The following SELENOT variants were observed in gnomAD, a reference collection of about 807,000 sequenced individuals.
SELENOT encodes the protein selenoprotein T.
Under a neutral mutation model 24.3 loss-of-function variants are expected in SELENOT, and 9 were observed. The observed-to-expected ratio is 0.37, with a 90% CI of 0.22 to 0.65. The LOEUF (loss-of-function observed/expected upper bound fraction) is 0.65, where lower values mean the gene tolerates loss of function less well. SELENOT is among the 30% of genes least tolerant of loss of function. The probability of loss-of-function intolerance (pLI) is 0.60; values close to 1 mark genes in which losing one functional copy is unlikely to be tolerated. For synonymous variants in SELENOT, 81 were observed against 86.0 expected, an observed-to-expected ratio of 0.94 and a Z score of 0.32; for missense variants, 166 against 247.6, an observed-to-expected ratio of 0.67 and a Z score of 2.21.
At chr3:150,625,107 A>G in intron 4 of SELENOT, among the ~76,000 whole-genome samples, 1 of 151,456 alleles carries the variant, frequency 6.6e-6, no homozygotes, top group East Asian at 1.9e-4. Context: ...TAATCTCTTT[A>G]TCTCTGCTTG....
intron 1 of SELENOT, among the ~76,000 whole-genome samples, chr3:150,610,540 G>A (rs1726064028): frequency 6.6e-6 from 1 of 152,180 alleles, no homozygotes; most frequent in East Asian, 1.9e-4. Context: ...TAAGAGAAGT[G>A]TGATAGAAAG....
intron 1 of SELENOT, among the ~76,000 whole-genome samples, chr3:150,620,995 CT>C (rs1368279721): frequency 6.6e-6 from 1 of 152,038 alleles, no homozygotes; most frequent in Non-Finnish European, 1.5e-5. Flanking sequence ...AATATTACAA[CT>C]TTTCTGTAAA....
At chr3:150,607,102 A>G (rs1289096722) in intron 1 of SELENOT, among the ~76,000 whole-genome samples, 1 of 152,248 alleles carries the variant, frequency 6.6e-6, no homozygotes, top group African/African-American at 2.4e-5. Context: ...TGACAACTGA[A>G]TTGCTGAGAA....
chr3:150,620,157 A>T (rs1559897835), intron 1 of SELENOT, among the ~76,000 whole-genome samples: 1 of 152,232 alleles, frequency 6.6e-6, no homozygotes, highest in Non-Finnish European at 1.5e-5. Context: ...TATAGGGGGA[A>T]TCTGACTGTT....
Position 150,626,996 on chromosome 3 carries a change from A to G in SELENOT, c.464-14A>G. The G allele has an allele frequency of 6.2e-7, 1 of 1,604,856 alleles. No individual in the cohort carries two copies. Among genetic ancestry groups the G allele is most frequent in the Non-Finnish European group, 8.5e-7 (1 of 1,177,258 alleles). ...CTTTAATTTTTTGGGGGGCGGTGCC[A>G]TTTATTTTTATAGATGTACCTGTGT... is the stretch of plus-strand genomic sequence containing the variant. On this transcript the variant is annotated splice_polypyrimidine_tract_variant and intron_variant, in intron 4 of 5. Transcript: ENST00000471696.
intron 1 of SELENOT, among the ~76,000 whole-genome samples, chr3:150,615,972 AAACAG>A (rs1726202896): frequency 6.6e-6 from 1 of 151,974 alleles, no homozygotes; most frequent in African/African-American, 2.4e-5. Context: ...ACAGTAACCA[AAACAG>A]CATGGTACTG....
chr3:150,613,665 CTTTTTTTT>C (rs531822237), intron 1 of SELENOT, among the ~76,000 whole-genome samples: 1 of 78,890 alleles, frequency 1.3e-5, no homozygotes. Flanking sequence ...AAGATGGGAA[CTTTTTTTT>C]TTTTTTTTTT....
rs563812151 is a variant in SELENOT at position 150,627,764 on chromosome 3, G to A, written c.*135G>A. 2.6e-5 allele frequency: 4 copies of A among 152,734 alleles called. No homozygotes were observed. Among genetic ancestry groups the A allele is most frequent in the South Asian group, 4.1e-4 (2 of 4,830 alleles). 9.5% of individuals were successfully genotyped at this position (152,734 alleles called of 1,614,324 possible). ...CAGATGCTTTCTTGGCAGGCTCGTT[G>A]TACCTCTTGGAAAACCTCAATGCAA... On this transcript the variant is annotated 3_prime_UTR_variant, in exon 6 of 6. Transcript: ENST00000471696.
intron 4 of SELENOT, 54 bp from the exon 5 acceptor site, chr3:150,626,956 A>G: frequency 1.3e-6 from 2 of 1,560,198 alleles, no homozygotes; most frequent in African/African-American, 1.4e-5. Flanking sequence ...GGATGAATGC[A>G]TATTATAAAA....
At chr3:150,625,151 C>T (rs1305320965) in intron 4 of SELENOT, among the ~76,000 whole-genome samples, 1 of 151,568 alleles carries the variant, frequency 6.6e-6, no homozygotes, top group Non-Finnish European at 1.5e-5. Context: ...GAGGAGTTGG[C>T]CCTATTCTTT....
At chr3:150,603,725 G>A (rs1354308489) in intron 1 of SELENOT, 1 of 421,392 alleles carries the variant, frequency 2.4e-6, no homozygotes, top group African/African-American at 2.1e-5. Flanking sequence ...CTAGAACAGT[G>A]GGAATGGGGA....
Position 150,611,219 on chromosome 3 carries a change from A to G in SELENOT, c.137+7720A>G, listed in dbSNP as rs1036485461. ...CATTTCTACATGTGAAAAAGCGGTA[A>G]ACAGTGTTAACATCCAAGTTTTTAG... On this transcript the variant is annotated intron_variant, in intron 1 of 5. Coordinates refer to ENST00000471696, the MANE Select transcript of SELENOT (RefSeq NM_016275.5). The G allele has an allele frequency of 1.6e-5, 15 of 939,646 alleles. No individual in the cohort carries two copies. The African/African-American group carries it at 2.2e-4, about 14-fold the overall frequency. 58.2% of individuals were successfully genotyped at this position (939,646 alleles called of 1,614,324 possible). A position where few individuals can be genotyped will look rare whatever the true frequency, so the allele number is the denominator to read the frequency against.
At chr3:150,625,666 A>G (rs1236772147) in intron 4 of SELENOT, among the ~76,000 whole-genome samples, 1 of 152,182 alleles carries the variant, frequency 6.6e-6, no homozygotes, top group Non-Finnish European at 1.5e-5. Flanking sequence ...TTTATGACAC[A>G]TGGAAACTAT....
intron 1 of SELENOT, among the ~76,000 whole-genome samples, chr3:150,621,014 T>C (rs1435083810): frequency 4.6e-5 from 7 of 152,164 alleles, no homozygotes; most frequent in Non-Finnish European, 1.0e-4. Flanking sequence ...AAATTTGAAA[T>C]TATATTAAAT....
At chr3:150,615,210 G>A (rs1726184819) in intron 1 of SELENOT, among the ~76,000 whole-genome samples, 1 of 151,472 alleles carries the variant, frequency 6.6e-6, no homozygotes, top group South Asian at 2.1e-4. Context: ...ATTTTTTATG[G>A]CTGCATAGTA....
chr3:150,611,754 G>GC, intron 1 of SELENOT: 1 of 1,399,954 alleles, frequency 7.1e-7, no homozygotes, highest in Non-Finnish European at 9.9e-7. Context: ...GCCCCCAGGG[G>GC]CCCAGCCGCT....
At chr3:150,624,122 G>C (rs954359210) in intron 3 of SELENOT, among the ~76,000 whole-genome samples, 5 of 152,082 alleles carry the variant, frequency 3.3e-5, no homozygotes, top group African/African-American at 1.2e-4. Flanking sequence ...TTGTTCCCAT[G>C]AAAATAGACT....
rs1319201045 is a variant in SELENOT at position 150,623,216 on chromosome 3, G to T, written c.375+47G>T. 3 of 1,485,914 alleles carry T rather than the reference G, an allele frequency of 2.0e-6. No homozygotes were observed. In the East Asian group the frequency reaches 7.2e-5, roughly 36 times the overall value. The allele number at this position is 1,485,914 out of a possible 1,614,324, so 92.0% of individuals were successfully genotyped here. A position where few individuals can be genotyped will look rare whatever the true frequency, so the allele number is the denominator to read the frequency against. ...GTAACTGTAGGTTTTTATGTTGTCA[G>T]TGAAATATTCTAATAGATTTTCTTA... On this transcript the variant is annotated intron_variant, in intron 3 of 5. Transcript: ENST00000471696.
chr3:150,625,739 GA>G (rs1388879779), intron 4 of SELENOT, among the ~76,000 whole-genome samples: 5 of 151,952 alleles, frequency 3.3e-5, no homozygotes, highest in Non-Finnish European at 5.9e-5. Flanking sequence ...AAAATTTGTA[GA>G]AATTTATCTT....
Sources: gnomAD v4.1 joint callset for allele counts (sites outside exome capture counted in the v4.1 genomes callset) on GRCh38, gnomAD v4.1.1 for gene constraint, MANE v1.5 for transcripts, NCBI Gene and HGNC (gene_info 2026-07-23, HGNC 2026-07-21) for gene names.